Variants in SPATA13 observed in about 807,000 individuals in gnomAD.
The protein encoded by SPATA13 is spermatogenesis associated 13.
In SPATA13, 50 loss-of-function variants were observed where a neutral mutation model predicts 104.0. That is an observed-to-expected ratio of 0.48 (90% CI 0.38 to 0.61). The LOEUF is 0.61. Among genes scored for constraint, SPATA13 ranks in the 20% least tolerant of loss-of-function variants. The pLI is 0.00. For synonymous variants in SPATA13, 606 were observed against 667.5 expected, an observed-to-expected ratio of 0.91 and a Z score of 1.42; for missense variants, 1,524 against 1,690.6, an observed-to-expected ratio of 0.90 and a Z score of 1.73.
At chr13:24,181,014 G>A (rs892400844) in intron 1 of SPATA13, among the ~76,000 whole-genome samples, 1 of 152,162 alleles carries the variant, frequency 6.6e-6, no homozygotes, top group Non-Finnish European at 1.5e-5. Context: ...ACTGAATACT[G>A]TAGGCAGCTG....
intron 3 of SPATA13, among the ~76,000 whole-genome samples, chr13:24,154,100 G>C (rs1882184424): frequency 6.6e-6 from 1 of 151,666 alleles, no homozygotes; most frequent in Non-Finnish European, 1.5e-5. Context: ...ACCACTTGTG[G>C]GAGTGTAAAC....
chr13:24,139,719 G>A (rs1593355390), intron 3 of SPATA13, among the ~76,000 whole-genome samples: 1 of 152,328 alleles, frequency 6.6e-6, no homozygotes, highest in Non-Finnish European at 1.5e-5. Flanking sequence ...GCACTGCTTA[G>A]CTACATGATG....
chr13:24,250,985 G>A (rs2138662849), intron 3 of SPATA13, among the ~76,000 whole-genome samples: 1 of 152,080 alleles, frequency 6.6e-6, no homozygotes. Context: ...AAAACCTAAG[G>A]AATTACATAA....
chr13:24,271,039 T>TCA lies in SPATA13; in HGVS notation c.2165-13094_2165-13093dup, dbSNP rs1422483856. On this transcript the variant is annotated intron_variant, in intron 4 of 12. Coordinates refer to ENST00000382108, the MANE Select transcript of SPATA13 (RefSeq NM_001166271.3). The stretch of plus-strand genomic sequence containing the variant: ...CTCTCTCACTCTCTCTCTCTCTCTC[T>TCA]CACTCTCTCTCTCTCTCTCACTCTC... 1.2e-5 allele frequency: 8 copies of TCA among 688,246 alleles called. No homozygotes were observed. The East Asian group carries it at 2.2e-4, about 19-fold the overall frequency. 42.6% of individuals were successfully genotyped at this position (688,246 alleles called of 1,614,324 possible). A position where few individuals can be genotyped will look rare whatever the true frequency, so the allele number is the denominator to read the frequency against.
intron 3 of SPATA13, among the ~76,000 whole-genome samples, chr13:24,145,366 A>G (rs755438089): frequency 7.2e-5 from 11 of 152,230 alleles, no homozygotes; most frequent in Non-Finnish European, 1.3e-4. Flanking sequence ...CCAGCCAAAC[A>G]GGACTTTTCA....
At chr13:24,248,576 C>G (rs1191770387) in intron 2 of SPATA13, among the ~76,000 whole-genome samples, 3 of 152,118 alleles carry the variant, frequency 2.0e-5, no homozygotes, top group Non-Finnish European at 2.9e-5. Flanking sequence ...GTGACTTGTC[C>G]CAGCTCACAC....
At chr13:24,211,954 A>G (rs1871041519) in intron 1 of SPATA13, among the ~76,000 whole-genome samples, 1 of 152,112 alleles carries the variant, frequency 6.6e-6, no homozygotes, top group Admixed American at 6.5e-5. Flanking sequence ...TAACAACACC[A>G]GTGCTCCCCA....
At position 24,067,994 on chromosome 13, in the gene SPATA13, TA is replaced by T. The variant is rs969737137; in HGVS notation, c.-112+50295del. On this transcript the variant is annotated intron_variant, in intron 3 of 14. Coordinates refer to the SPATA13 transcript ENST00000424834. ...GCTAGGATTATAGTTGTTTTGTTTT[TA>T]ATTAAAATTGTTTTTTATCTTTTAT... Among the ~76,000 whole-genome samples, 4 of 152,338 alleles carry T rather than the reference TA, an allele frequency of 2.6e-5. 1 individual carries two copies. Among genetic ancestry groups the T allele is most frequent in the Admixed American group, 2.0e-4 (3 of 15,296 alleles).
At chr13:24,243,006 C>T (rs1187525539) in intron 2 of SPATA13, among the ~76,000 whole-genome samples, 1 of 152,140 alleles carries the variant, frequency 6.6e-6, no homozygotes, top group African/African-American at 2.4e-5. Context: ...AGTTGTAAGG[C>T]CTAAAATTTC....
At position 24,161,693 on chromosome 13, in the gene SPATA13, G is replaced by A. The variant is rs1044902853; in HGVS notation, c.-112+761G>A. Among the ~76,000 whole-genome samples the A allele has an allele frequency of 6.6e-6, 1 of 152,176 alleles. No homozygotes were observed. The highest frequency in any genetic ancestry group is 2.4e-5 in the African/African-American group (1 of 41,452). ...AAATTTCCCCTCCCTCCAAGTGCAG[G>A]AAAACCAAACCAAAGCAAGCAAACA... On this transcript the variant is annotated intron_variant, in intron 1 of 12. Transcript: ENST00000382108. The surrounding 1 kb of genome is among the most constrained non-coding windows in gnomAD (Gnocchi z 4.5).
At chr13:24,221,901 C>G (rs1871607733) in intron 1 of SPATA13, among the ~76,000 whole-genome samples, 1 of 146,824 alleles carries the variant, frequency 6.8e-6, no homozygotes, top group African/African-American at 2.5e-5. Flanking sequence ...CAACTTCTGT[C>G]TCCCAGGTTC....
intron 1 of SPATA13, among the ~76,000 whole-genome samples, chr13:24,178,733 A>G (rs1868601074): frequency 6.6e-6 from 1 of 152,202 alleles, no homozygotes; most frequent in Admixed American, 6.5e-5. Flanking sequence ...TTGACACCAC[A>G]GCACAGCAAC....
chr13:24,220,634 C>T (rs1205726485), intron 1 of SPATA13, among the ~76,000 whole-genome samples: 1 of 152,190 alleles, frequency 6.6e-6, no homozygotes, highest in Non-Finnish European at 1.5e-5. Context: ...CCAAATGTAA[C>T]CCCCAGCTCC....
chr13:24,300,261 G>C, intron 11 of SPATA13, 140 bp from the exon 12 acceptor site: 1 of 634,356 alleles, frequency 1.6e-6, no homozygotes, highest in Non-Finnish European at 2.7e-6. Context: ...TCTTCAACCT[G>C]TCCACGTTCT....
Position 24,126,261 on chromosome 13 carries a change from G to A in SPATA13, c.-111-96558G>A, listed in dbSNP as rs371637602. Among the ~76,000 whole-genome samples the A allele has an allele frequency of 2.7e-4, 41 of 152,322 alleles. No individual in the cohort carries two copies. The East Asian group carries it at 3.3e-3, about 12-fold the overall frequency. ...GTGACCCATGATTGAGTCTGGGGGA[G>A]GGGTAGCTGGAGGTGGGGTACAGCC... On this transcript the variant is annotated intron_variant, in intron 3 of 14. Transcript: ENST00000424834.
At chr13:24,006,974 C>G (rs1472151709) in intron 2 of SPATA13, among the ~76,000 whole-genome samples, 1 of 152,186 alleles carries the variant, frequency 6.6e-6, no homozygotes, top group Non-Finnish European at 1.5e-5. Flanking sequence ...CAGCCTCCCC[C>G]ATCCTGTGCA....
intron 1 of SPATA13, among the ~76,000 whole-genome samples, chr13:24,180,842 A>G (rs1317456042): frequency 1.3e-5 from 2 of 152,144 alleles, no homozygotes; most frequent in African/African-American, 4.8e-5. Context: ...ACTTAATGAC[A>G]GGGATACGTT....
chr13:24,278,557 C>T (rs1343686727), intron 4 of SPATA13: 1 of 1,234,522 alleles, frequency 8.1e-7, no homozygotes, highest in Non-Finnish European at 1.1e-6. Flanking sequence ...GGATTACAAG[C>T]ATGAGCTACC....
At chr13:24,122,956 G>C (rs749963516) in intron 3 of SPATA13, 1 of 783,636 alleles carries the variant, frequency 1.3e-6, no homozygotes, top group Non-Finnish European at 2.4e-6. Context: ...AGCGTGTCAG[G>C]TGTATTCAGA....
Sources: gnomAD v4.1 joint callset for allele counts (sites outside exome capture counted in the v4.1 genomes callset) on GRCh38, gnomAD v4.1.1 for gene constraint, Gnocchi (gnomAD v3.1) non-coding constraint, MANE v1.5 for transcripts, NCBI Gene and HGNC (gene_info 2026-07-23, HGNC 2026-07-21) for gene names.